Variants in BCAS3 observed in about 807,000 individuals in gnomAD.
BCAS3 encodes BCAS3 microtubule associated cell migration factor, also known as BCAS4/BCAS3 fusion.
BCAS3 carries 53 observed loss-of-function variants against 116.1 expected under a neutral mutation model. The ratio of observed to expected loss-of-function variants is 0.46; its 90% CI spans 0.37 to 0.57. The LOEUF (loss-of-function observed/expected upper bound fraction) is 0.57. Among genes scored for constraint, BCAS3 ranks in the 20% least tolerant of loss-of-function variants. The pLI is 0.00. For missense variants in BCAS3, 917 were observed against 1,165.4 expected, an observed-to-expected ratio of 0.79 and a Z score of 3.10; for synonymous variants, 391 against 408.2, an observed-to-expected ratio of 0.96 and a Z score of 0.51.
rs2055713245 is a variant in BCAS3 at position 61,326,163 on chromosome 17, A to G, written c.2426-42164A>G. Among the ~76,000 whole-genome samples, 2 of 152,248 alleles carry G rather than the reference A, an allele frequency of 1.3e-5. No individual in the cohort carries two copies. The highest frequency in any genetic ancestry group is 2.9e-5 in the Non-Finnish European group (2 of 68,042). On this transcript the variant is annotated intron_variant, in intron 22 of 23. Coordinates refer to ENST00000407086, the MANE Select transcript of BCAS3 (RefSeq NM_017679.5). This position sits in a 1 kb window ranked among gnomAD's most constrained non-coding sequence, Gnocchi z 5.3. ...AACATAATTACAAATTGTGTGAAGT[A>G]TAATGAAGGAAAAATTCCATGTGGT...
At chr17:60,688,101 G>T (rs987639094) in intron 3 of BCAS3, 3 of 152,140 alleles carry the variant, frequency 2.0e-5, no homozygotes, top group Non-Finnish European at 4.4e-5. Context: ...TTAAAGGAAA[G>T]GAAAGCCTGA....
chr17:60,983,307 C>T (rs2062926886), intron 14 of BCAS3, among the ~76,000 whole-genome samples: 1 of 152,076 alleles, frequency 6.6e-6, no homozygotes, highest in Admixed American at 6.5e-5. Context: ...ATGTCATCAC[C>T]TTATTACTAG....
chr17:60,826,410 A>G (rs1306276914), intron 7 of BCAS3, among the ~76,000 whole-genome samples: 1 of 152,014 alleles, frequency 6.6e-6, no homozygotes, highest in Non-Finnish European at 1.5e-5. Context: ...CCTGGGCTCA[A>G]GTGATTCTCT....
intron 6 of BCAS3, among the ~76,000 whole-genome samples, chr17:60,764,394 T>C (rs186587547): frequency 3.9e-5 from 6 of 152,354 alleles, no homozygotes; most frequent in Non-Finnish European, 7.3e-5. Context: ...TTGTATGTTG[T>C]GTCTTTGTTC....
rs1159721968 is a variant in BCAS3 at position 61,324,287 on chromosome 17, T to G, written c.2426-44040T>G. ...CCTTTATCATACACATTGATGAAAC[T>G]GAAGCCTAGAGCTAATATGTGAGGT... On this transcript the variant is annotated intron_variant, in intron 22 of 23. Coordinates refer to ENST00000407086, the MANE Select transcript of BCAS3 (RefSeq NM_017679.5). This position sits in a 1 kb window ranked among gnomAD's most constrained non-coding sequence, Gnocchi z 4.6. 6.6e-6 allele frequency among the ~76,000 whole-genome samples: 1 copy of G among 152,180 alleles called. No individual in the cohort carries two copies. Among genetic ancestry groups the G allele is most frequent in the Non-Finnish European group, 1.5e-5 (1 of 68,034 alleles).
chr17:60,868,227 A>T (rs1397776716), intron 7 of BCAS3, among the ~76,000 whole-genome samples: 2 of 151,872 alleles, frequency 1.3e-5, no homozygotes, highest in African/African-American at 2.4e-5. Flanking sequence ...GGGTTTCACC[A>T]TGTTGGCCAG....
intron 2 of BCAS3, among the ~76,000 whole-genome samples, chr17:60,679,920 C>T (rs1418673522): frequency 1.3e-5 from 2 of 151,992 alleles, no homozygotes; most frequent in Non-Finnish European, 2.9e-5. Context: ...AGGCGGATCA[C>T]GAGATCAGGA....
rs543957991 is a variant in BCAS3 at position 61,213,621 on chromosome 17, C to G, written c.2425+129057C>G. ...CCACTCCTTTCATTTTAGCTCTTCTCTCTTCCTGACCTATAACTGTCTTTA... is the reference window on the plus strand; with the variant it reads ...CCACTCCTTTCATTTTAGCTCTTCTGTCTTCCTGACCTATAACTGTCTTTA... On this transcript the variant is annotated intron_variant, in intron 22 of 23. Transcript: ENST00000407086. The surrounding 1 kb of genome is among the most constrained non-coding windows in gnomAD (Gnocchi z 5.4). Among the ~76,000 whole-genome samples, 14 of 152,280 alleles carry G rather than the reference C, an allele frequency of 9.2e-5. No individual in the cohort carries two copies. Among genetic ancestry groups the G allele is most frequent in the Admixed American group, 7.8e-4 (12 of 15,298 alleles).
At chr17:60,923,685 A>G (rs142599059) in intron 12 of BCAS3, among the ~76,000 whole-genome samples, 1 of 152,352 alleles carries the variant, frequency 6.6e-6, no homozygotes, top group East Asian at 1.9e-4. Flanking sequence ...AAGTAAAACA[A>G]TTTTTAAAAA....
chr17:60,802,379 T>C (rs937036036), intron 6 of BCAS3, among the ~76,000 whole-genome samples: 1 of 148,338 alleles, frequency 6.7e-6, no homozygotes, highest in Non-Finnish European at 1.5e-5. Flanking sequence ...TACATATATA[T>C]ATATATATAT....
intron 13 of BCAS3, among the ~76,000 whole-genome samples, chr17:60,942,388 C>T (rs2060271739): frequency 1.3e-5 from 2 of 152,120 alleles, no homozygotes; most frequent in South Asian, 4.1e-4. Flanking sequence ...GATTGTGCCA[C>T]TGCACTCCAG....
intron 9 of BCAS3, among the ~76,000 whole-genome samples, chr17:60,881,037 C>A (rs772179151): frequency 6.6e-6 from 1 of 152,162 alleles, no homozygotes; most frequent in South Asian, 2.1e-4. Flanking sequence ...TGCAGTGGTG[C>A]GATCTCAGCT....
At chr17:60,941,169 A>G (rs1411788006) in intron 13 of BCAS3, among the ~76,000 whole-genome samples, 1 of 152,220 alleles carries the variant, frequency 6.6e-6, no homozygotes, top group Non-Finnish European at 1.5e-5. Context: ...AACATACAGA[A>G]GTGCCTAAAC....
chr17:60,912,012 A>G (rs1466357157), intron 12 of BCAS3, among the ~76,000 whole-genome samples: 1 of 152,212 alleles, frequency 6.6e-6, no homozygotes, highest in Non-Finnish European at 1.5e-5. Context: ...TAAGTACAGA[A>G]ATACATGTTA....
intron 6 of BCAS3, among the ~76,000 whole-genome samples, chr17:60,767,000 A>C (rs9898025): frequency 0.26 from 40,046 of 152,038 alleles, 11,117 homozygotes; most frequent in African/African-American, 0.71. Flanking sequence ...TTGGACCCGC[A>C]GAGCCAGGCA....
At chr17:60,955,851 C>G (rs1323564927) in intron 14 of BCAS3, among the ~76,000 whole-genome samples, 1 of 152,178 alleles carries the variant, frequency 6.6e-6, no homozygotes, top group African/African-American at 2.4e-5. Context: ...ATTTAGCTTA[C>G]TCATCCTTGA....
intron 6 of BCAS3, among the ~76,000 whole-genome samples, chr17:60,752,565 A>C (rs2144292879): frequency 6.6e-6 from 1 of 152,076 alleles, no homozygotes; most frequent in African/African-American, 2.4e-5. Context: ...CTGAGACTAC[A>C]GGCGCCCTCC....
In BCAS3 at chr17:60,695,907, A is replaced by G. The variant is rs190537794; in HGVS notation, c.214+6146A>G. The stretch of plus-strand genomic sequence containing the variant: ...GCCACTGTACTTGGGCTCATAGGGG[A>G]TTTAAAAATAATCTACTCATGGATC... On this transcript the variant is annotated intron_variant, in intron 4 of 23. Transcript: ENST00000407086. Among the ~76,000 whole-genome samples the G allele has an allele frequency of 1.4e-3, 209 of 152,194 alleles. 1 individual carries two copies. Among genetic ancestry groups the G allele is most frequent in the African/African-American group, 4.7e-3 (196 of 41,536 alleles).
intron 5 of BCAS3, among the ~76,000 whole-genome samples, chr17:60,711,988 C>T (rs1021003452): frequency 1.3e-5 from 2 of 151,800 alleles, no homozygotes; most frequent in African/African-American, 4.8e-5. Flanking sequence ...ATGGTGAAAC[C>T]CCATCTCTAC....
Sources: allele counts gnomAD v4.1 joint callset (sites outside exome capture counted in the v4.1 genomes callset), GRCh38; gene constraint gnomAD v4.1.1; non-coding constraint Gnocchi (gnomAD v3.1); transcripts MANE v1.5; gene names NCBI Gene and HGNC (gene_info 2026-07-23, HGNC 2026-07-21).